Variants in ZNF90 observed in about 807,000 individuals in gnomAD.
The protein encoded by ZNF90 is zinc finger protein HTF9.
ZNF90 carries 11 observed loss-of-function variants against 12.0 expected under a neutral mutation model. That is an observed-to-expected ratio of 0.92 (90% CI 0.58 to 1.52). ZNF90 has a LOEUF of 1.52. Ranked by LOEUF, ZNF90 falls within the 40% of genes most tolerant of loss-of-function variation. The probability of loss-of-function intolerance (pLI) is 0.00; values close to 1 mark genes in which losing one functional copy is unlikely to be tolerated. For synonymous variants in ZNF90, 232 were observed against 240.1 expected, an observed-to-expected ratio of 0.97 and a Z score of 0.31; for missense variants, 765 against 711.5, an observed-to-expected ratio of 1.08 and a Z score of -0.86.
Position 20,104,273 on chromosome 19 carries a change from T to G in ZNF90, c.38T>G (p.Phe13Cys). ...PLEFRDVAIE[F>C]SLEEWHCLDT... Reference sequence around the variant, plus strand: ...GAATTTAGAGATGTGGCCATAGAATTCTCTCTGGAGGAGTGGCATTGCCTG... The same window carrying G: ...GAATTTAGAGATGTGGCCATAGAATGCTCTCTGGAGGAGTGGCATTGCCTG... Residue 13 changes from phenylalanine to cysteine, a missense_variant, in exon 2 of 4, where the codon TTC becomes TGC. Coordinates refer to ENST00000418063, the MANE Select transcript of ZNF90 (RefSeq NM_007138.2). 6.2e-7 allele frequency: 1 copy of G among 1,614,008 alleles called. No individual in the cohort carries two copies. The highest frequency in any genetic ancestry group is 8.5e-7 in the Non-Finnish European group (1 of 1,179,954).
intron 3 of ZNF90, among the ~76,000 whole-genome samples, chr19:20,113,004 T>C (rs1051136070): frequency 2.6e-5 from 4 of 152,168 alleles, no homozygotes; most frequent in Non-Finnish European, 5.9e-5. Context: ...TAATTGTATA[T>C]GACAATATTT....
intron 3 of ZNF90, among the ~76,000 whole-genome samples, chr19:20,109,614 CTG>C (rs2089069238): frequency 6.6e-6 from 1 of 151,880 alleles, no homozygotes; most frequent in East Asian, 1.9e-4. Context: ...TGGCTCTCGT[CTG>C]TAATCCCAGG....
At chr19:20,090,719 G>C (rs1314271890) in intron 1 of ZNF90, among the ~76,000 whole-genome samples, 2 of 152,184 alleles carry the variant, frequency 1.3e-5, no homozygotes, top group Non-Finnish European at 2.9e-5. Context: ...GTCACCTAGA[G>C]GGCTGGTGTC....
At chr19:20,099,477 TCCTAGGTCAG>T (rs1403030793) in intron 1 of ZNF90, among the ~76,000 whole-genome samples, 1 of 152,218 alleles carries the variant, frequency 6.6e-6, no homozygotes, top group Non-Finnish European at 1.5e-5. Flanking sequence ...AGGGAGTTCC[TCCTAGGTCAG>T]CTCAGACTTT....
chr19:20,087,858 GT>G (rs781970396), intron 1 of ZNF90, among the ~76,000 whole-genome samples: 82 of 152,110 alleles, frequency 5.4e-4, no homozygotes, highest in South Asian at 1.9e-3. Flanking sequence ...GTCAAAGGGG[GT>G]TTGTTCTCTG....
intron 3 of ZNF90, among the ~76,000 whole-genome samples, chr19:20,109,233 A>T (rs1555704771): frequency 2.6e-5 from 4 of 152,184 alleles, no homozygotes; most frequent in African/African-American, 9.7e-5. Context: ...GTACACTTTA[A>T]GTCCATTTGA....
intron 1 of ZNF90, among the ~76,000 whole-genome samples, chr19:20,098,121 G>A (rs1238109866): frequency 1.3e-5 from 2 of 152,014 alleles, no homozygotes; most frequent in Admixed American, 6.6e-5. Flanking sequence ...TTTTTTTCAT[G>A]TAGACTTATC....
At chr19:20,086,184 T>C (rs1313648311) in intron 1 of ZNF90, among the ~76,000 whole-genome samples, 1 of 152,090 alleles carries the variant, frequency 6.6e-6, no homozygotes, top group East Asian at 1.9e-4. Context: ...TTATGTGTAA[T>C]GTTTGCAGAC....
chr19:20,113,126 A>T lies in ZNF90; in HGVS notation c.227-4655A>T, dbSNP rs371629758. Among the ~76,000 whole-genome samples the T allele has an allele frequency of 8.6e-5, 13 of 151,700 alleles. No homozygotes were observed. In the East Asian group the frequency reaches 1.4e-3, roughly 16 times the overall value. On this transcript the variant is annotated intron_variant, in intron 3 of 3. Transcript: ENST00000418063. ...TTTCCTGTATAAATATTATCCCTGTAGTTTTGTGTCACTTGTGTGTTTGTT... is the reference window on the plus strand; with the variant it reads ...TTTCCTGTATAAATATTATCCCTGTTGTTTTGTGTCACTTGTGTGTTTGTT...
chr19:20,109,355 G>T (rs183417592), intron 3 of ZNF90, among the ~76,000 whole-genome samples: 1 of 152,214 alleles, frequency 6.6e-6, no homozygotes, highest in Non-Finnish European at 1.5e-5. Flanking sequence ...GAATTTCAAT[G>T]GGAGTTTTAT....
At chr19:20,103,573 CTT>C (rs1555704088) in intron 1 of ZNF90, among the ~76,000 whole-genome samples, 1 of 152,212 alleles carries the variant, frequency 6.6e-6, no homozygotes, top group Non-Finnish European at 1.5e-5. Flanking sequence ...TTTTAAGTAT[CTT>C]TGTGCAGCTG....
intron 1 of ZNF90, among the ~76,000 whole-genome samples, chr19:20,096,612 G>C (rs985430022): frequency 1.3e-5 from 2 of 152,278 alleles, no homozygotes; most frequent in East Asian, 3.9e-4. Context: ...AATGTCATCA[G>C]TTAAGGCAAG....
intron 1 of ZNF90, among the ~76,000 whole-genome samples, chr19:20,089,540 C>G (rs782760484): frequency 2.0e-5 from 3 of 151,942 alleles, no homozygotes; most frequent in Non-Finnish European, 4.4e-5. Flanking sequence ...TCCAGTGGGT[C>G]TTTGCGGAGA....
chr19:20,096,385 TA>T (rs2088945847), intron 1 of ZNF90, among the ~76,000 whole-genome samples: 1 of 152,044 alleles, frequency 6.6e-6, no homozygotes, highest in African/African-American at 2.4e-5. Flanking sequence ...GTGTGAGCAA[TA>T]AAGCTTTTAA....
intron 1 of ZNF90, among the ~76,000 whole-genome samples, chr19:20,078,533 C>T (rs988237007): frequency 2.0e-5 from 3 of 152,168 alleles, no homozygotes; most frequent in Admixed American, 2.0e-4. Flanking sequence ...TGGGGCCGGT[C>T]GCTGTGGTTC....
intron 3 of ZNF90, among the ~76,000 whole-genome samples, chr19:20,116,595 A>G (rs1439174668): frequency 6.6e-6 from 1 of 152,238 alleles, no homozygotes; most frequent in Non-Finnish European, 1.5e-5. Flanking sequence ...AGATTTGGAC[A>G]TTGACAAAAA....
chr19:20,100,961 A>C (rs2088984984), intron 1 of ZNF90, among the ~76,000 whole-genome samples: 1 of 152,116 alleles, frequency 6.6e-6, no homozygotes, highest in South Asian at 2.1e-4. Flanking sequence ...GGGAGTGCAC[A>C]ACCCCCTTTG....
intron 1 of ZNF90, among the ~76,000 whole-genome samples, chr19:20,100,354 A>G (rs1199808925): frequency 6.6e-6 from 1 of 152,230 alleles, no homozygotes; most frequent in African/African-American, 2.4e-5. Context: ...CAGGGCCTGT[A>G]AAGTGTGCCA....
intron 1 of ZNF90, among the ~76,000 whole-genome samples, chr19:20,089,331 A>C (rs139520071): frequency 0.015 from 2,264 of 152,270 alleles, 52 homozygotes; most frequent in African/African-American, 0.052. Flanking sequence ...GAAGGTAGCC[A>C]AGGATGGAGT....
Sources: gnomAD v4.1 joint callset for allele counts (sites outside exome capture counted in the v4.1 genomes callset) on GRCh38, gnomAD v4.1.1 for gene constraint, MANE v1.5 for transcripts, NCBI Gene and HGNC (gene_info 2026-07-23, HGNC 2026-07-21) for gene names.